Variants in CALN1 observed in about 807,000 individuals in gnomAD.
The protein encoded by CALN1 is calcium-binding protein 8.
In CALN1, 17 loss-of-function variants were observed where a neutral mutation model predicts 30.6. The ratio of observed to expected loss-of-function variants is 0.56; its 90% CI spans 0.38 to 0.83. CALN1 has a LOEUF of 0.83. Ranked by LOEUF, CALN1 falls within the 40% of genes least tolerant of loss-of-function variation. The pLI, the probability that CALN1 is intolerant of heterozygous loss-of-function variation, is 0.00. For synonymous variants in CALN1, 156 were observed against 131.4 expected (o/e 1.19, Z -1.28); for missense variants, 291 against 354.9 (o/e 0.82, Z 1.45).
At chr7:72,260,158 C>T (rs1188997688) in intron 3 of CALN1, among the ~76,000 whole-genome samples, 1 of 152,136 alleles carries the variant, frequency 6.6e-6, no homozygotes, top group African/African-American at 2.4e-5. Context: ...ATGATTGCAC[C>T]ACTGCACTTC....
At chr7:72,034,920 T>TA (rs1410919800) in intron 4 of CALN1, among the ~76,000 whole-genome samples, 7 of 151,840 alleles carry the variant, frequency 4.6e-5, no homozygotes, top group Non-Finnish European at 8.8e-5. Context: ...ACAATTTGGT[T>TA]AAAAAAATGG....
At chr7:72,456,252 G>T in the CALN1 span, among the ~76,000 whole-genome samples, 97 of 151,946 alleles carry the variant, frequency 6.4e-4, no homozygotes, top group African/African-American at 2.1e-3. Context: ...GCTGGGCTTG[G>T]TGGGTCGCAC....
At position 72,215,906 on chromosome 7, in the gene CALN1, T is replaced by A. The variant is rs371015483; in HGVS notation, c.244+62780A>T. On this transcript the variant is annotated intron_variant, in intron 3 of 6. Transcript: ENST00000395275. The stretch of plus-strand genomic sequence containing the variant: ...TCTACCCAACACAGGATTCCTCTAA[T>A]GGGCAATCTTTGCTGCAGAGGTAAG... 2.0e-5 allele frequency among the ~76,000 whole-genome samples: 3 copies of A among 152,134 alleles called. No individual in the cohort carries two copies. In the East Asian group the frequency reaches 5.8e-4, roughly 29 times the overall value.
At chr7:72,028,843 T>C (rs1801257962) in intron 4 of CALN1, among the ~76,000 whole-genome samples, 2 of 152,066 alleles carry the variant, frequency 1.3e-5, no homozygotes, top group South Asian at 4.2e-4. Flanking sequence ...ATACAAAAAT[T>C]AGCTGGGTGT....
intron 6 of CALN1, among the ~76,000 whole-genome samples, chr7:71,798,039 G>A (rs1787030422): frequency 6.6e-6 from 1 of 150,832 alleles, no homozygotes; most frequent in Non-Finnish European, 1.5e-5. Context: ...GGGAGAGGCA[G>A]AGAGCAGGCA....
At chr7:72,200,152 T>A (rs556607153) in intron 3 of CALN1, among the ~76,000 whole-genome samples, 10 of 152,172 alleles carry the variant, frequency 6.6e-5, no homozygotes, top group African/African-American at 2.4e-4. Flanking sequence ...AAAGCCAAAT[T>A]AATATGAAAT....
intron 3 of CALN1, among the ~76,000 whole-genome samples, chr7:72,141,525 T>C (rs985771765): frequency 1.3e-5 from 2 of 152,044 alleles, no homozygotes; most frequent in Admixed American, 6.6e-5. Flanking sequence ...AAACAACCTT[T>C]TGTGTCCGAG....
At chr7:72,006,284 T>G (rs901527682) in intron 5 of CALN1, among the ~76,000 whole-genome samples, 1 of 152,214 alleles carries the variant, frequency 6.6e-6, no homozygotes, top group African/African-American at 2.4e-5. Flanking sequence ...AAATACATAT[T>G]TCATGAAGGT....
At chr7:72,160,596 T>C (rs1378278133) in intron 3 of CALN1, among the ~76,000 whole-genome samples, 1 of 152,170 alleles carries the variant, frequency 6.6e-6, no homozygotes, top group Non-Finnish European at 1.5e-5. Flanking sequence ...TTTATTTTTA[T>C]GCAACACTAA....
intron 3 of CALN1, among the ~76,000 whole-genome samples, chr7:72,177,318 T>C (rs924439712): frequency 2.0e-5 from 3 of 152,072 alleles, no homozygotes; most frequent in Admixed American, 6.6e-5. Flanking sequence ...TAAACAGAAA[T>C]AAGACATCCC....
chr7:72,331,678 C>T (rs1245610182), intron 2 of CALN1, among the ~76,000 whole-genome samples: 1 of 152,110 alleles, frequency 6.6e-6, no homozygotes, highest in Non-Finnish European at 1.5e-5. Context: ...TTTTTTCCAA[C>T]TGTTACCTTG....
chr7:72,237,345 G>T (rs151265535), intron 3 of CALN1, among the ~76,000 whole-genome samples: 1 of 152,254 alleles, frequency 6.6e-6, no homozygotes, highest in Non-Finnish European at 1.5e-5. Context: ...TCACTAAACT[G>T]CAACATCACA....
chr7:71,826,911 A>G (rs1429731968), intron 5 of CALN1, among the ~76,000 whole-genome samples: 1 of 152,144 alleles, frequency 6.6e-6, no homozygotes, highest in Non-Finnish European at 1.5e-5. Context: ...CTAGGTTGCT[A>G]TGGTGCCTGG....
In CALN1 at chr7:72,403,396, G is replaced by A. The variant is rs775167016; in HGVS notation, c.-27C>T. 8.5e-6 allele frequency: 13 copies of A among 1,527,288 alleles called. No individual in the cohort carries two copies. Among genetic ancestry groups the A allele is most frequent in the South Asian group, 2.4e-5 (2 of 83,294 alleles). 94.6% of individuals were successfully genotyped at this position (1,527,288 alleles called of 1,614,324 possible). A position where few individuals can be genotyped will look rare whatever the true frequency, so the allele number is the denominator to read the frequency against. ...GGGGGTCCAGGGCGATGTTCTCAGAGAGAGTTAGAAGCTCATCAAAGGAAC... is the reference window on the plus strand; with the variant it reads ...GGGGGTCCAGGGCGATGTTCTCAGAAAGAGTTAGAAGCTCATCAAAGGAAC... On this transcript the variant is annotated 5_prime_UTR_variant, in exon 2 of 7. Coordinates refer to ENST00000395275, the MANE Select transcript of CALN1 (RefSeq NM_031468.4).
At chr7:72,184,975 A>AT (rs555988535) in intron 3 of CALN1, among the ~76,000 whole-genome samples, 132 of 150,720 alleles carry the variant, frequency 8.8e-4, no homozygotes, top group South Asian at 1.9e-3. Context: ...TTTTATTTTA[A>AT]TTTTTTTTTG....
chr7:71,847,522 C>CAAAAAA (rs796263204), intron 5 of CALN1, among the ~76,000 whole-genome samples: 1 of 147,544 alleles, frequency 6.8e-6, no homozygotes, highest in Non-Finnish European at 1.5e-5. Context: ...AAACCAAAAA[C>CAAAAAA]AAAAAAAAAA....
At chr7:71,909,968 G>A (rs1794340236) in intron 5 of CALN1, among the ~76,000 whole-genome samples, 1 of 152,162 alleles carries the variant, frequency 6.6e-6, no homozygotes, top group Non-Finnish European at 1.5e-5. Flanking sequence ...CAATCATGGT[G>A]TAAGGTAAAG....
At chr7:71,841,107 T>C (rs146720738) in intron 5 of CALN1, among the ~76,000 whole-genome samples, 60 of 152,220 alleles carry the variant, frequency 3.9e-4, no homozygotes, top group Middle Eastern at 3.4e-3. Context: ...GAGGCTATGT[T>C]GGAAGGACAA....
rs528491005 is a variant in CALN1 at position 72,357,177 on chromosome 7, G to C, written c.119+46074C>G. Among the ~76,000 whole-genome samples the C allele has an allele frequency of 3.6e-4, 55 of 152,038 alleles. 2 individuals are homozygous for C. Among genetic ancestry groups the C allele is most frequent in the African/African-American group, 1.3e-3 (52 of 41,310 alleles). Reference sequence around the variant, plus strand: ...ATACTTGCCAGATAGAATACAACTTGAACCAAAATGAAATATGATGCTGGA... The same window carrying C: ...ATACTTGCCAGATAGAATACAACTTCAACCAAAATGAAATATGATGCTGGA... On this transcript the variant is annotated intron_variant, in intron 2 of 6. Coordinates refer to ENST00000395275, the MANE Select transcript of CALN1 (RefSeq NM_031468.4).
Sources: allele counts gnomAD v4.1 joint callset (sites outside exome capture counted in the v4.1 genomes callset), GRCh38; gene constraint gnomAD v4.1.1; transcripts MANE v1.5; gene names NCBI Gene and HGNC (gene_info 2026-07-23, HGNC 2026-07-21).